Variants in XKR9 observed in about 807,000 individuals in gnomAD.
The protein encoded by XKR9 is XK related 9, also known as XK-related protein 9.
Under a neutral mutation model 32.0 loss-of-function variants are expected in XKR9, and 32 were observed. That is an observed-to-expected ratio of 1.00 (90% CI 0.76 to 1.34). The LOEUF (loss-of-function observed/expected upper bound fraction) is 1.34, where lower values mean the gene tolerates loss of function less well. Among genes scored for constraint, XKR9 ranks in the 40% most tolerant of loss-of-function variants. The pLI, the probability that XKR9 is intolerant of heterozygous loss-of-function variation, is 0.00. For synonymous variants in XKR9, 168 were observed against 143.4 expected, an observed-to-expected ratio of 1.17 and a Z score of -1.22; for missense variants, 546 against 429.7, an observed-to-expected ratio of 1.27 and a Z score of -2.39.
the XKR9 span, among the ~76,000 whole-genome samples, chr8:70,921,322 A>T: frequency 1.3e-3 from 194 of 152,292 alleles, 2 homozygotes; most frequent in South Asian, 0.01. Flanking sequence ...ACCCTCCATG[A>T]TGAAGGGAGA....
chr8:70,805,238 A>G, the XKR9 span, among the ~76,000 whole-genome samples: 1 of 152,216 alleles, frequency 6.6e-6, no homozygotes, highest in African/African-American at 2.4e-5. Context: ...CTACCTGGCC[A>G]GGTAAACCGT....
chr8:70,810,701 A>G, the XKR9 span, among the ~76,000 whole-genome samples: 4 of 152,234 alleles, frequency 2.6e-5, no homozygotes, highest in Non-Finnish European at 2.9e-5. Flanking sequence ...GAAGGCCATT[A>G]CATAATGGTA....
At chr8:70,755,057 A>C (rs1237713637) in intron 2 of XKR9, among the ~76,000 whole-genome samples, 1 of 152,214 alleles carries the variant, frequency 6.6e-6, no homozygotes, top group East Asian at 1.9e-4. Context: ...GAACTCAAAC[A>C]AATTTACAAG....
At chr8:70,809,229 A>T in the XKR9 span, among the ~76,000 whole-genome samples, 1 of 152,220 alleles carries the variant, frequency 6.6e-6, no homozygotes, top group Non-Finnish European at 1.5e-5. Context: ...CCTGCAGCTG[A>T]GGGTCCTGAC....
At chr8:70,951,100 T>A in the XKR9 span, among the ~76,000 whole-genome samples, 1 of 152,198 alleles carries the variant, frequency 6.6e-6, no homozygotes, top group Non-Finnish European at 1.5e-5. Flanking sequence ...ACACTTTTAC[T>A]TCAGGATGCC....
At chr8:70,808,356 G>A in the XKR9 span, among the ~76,000 whole-genome samples, 1 of 152,156 alleles carries the variant, frequency 6.6e-6, no homozygotes, top group East Asian at 1.9e-4. Flanking sequence ...CCAGTCTACA[G>A]CTCCCAGCAT....
chr8:70,690,614 G>A (rs1170710000), intron 3 of XKR9, among the ~76,000 whole-genome samples: 1 of 151,836 alleles, frequency 6.6e-6, no homozygotes, highest in Non-Finnish European at 1.5e-5. Flanking sequence ...CTCCCAAAGT[G>A]TTGGGATTAC....
chr8:71,043,167 C>G, the XKR9 span, among the ~76,000 whole-genome samples: 5 of 152,180 alleles, frequency 3.3e-5, no homozygotes, highest in African/African-American at 4.8e-5. Flanking sequence ...GGAGAATTCA[C>G]TGTTCCCCCA....
At chr8:70,888,201 T>G in the XKR9 span, among the ~76,000 whole-genome samples, 1 of 152,066 alleles carries the variant, frequency 6.6e-6, no homozygotes, top group Non-Finnish European at 1.5e-5. Flanking sequence ...CTTAGTGATG[T>G]TGAGCATTTT....
chr8:70,800,404 C>T, the XKR9 span, among the ~76,000 whole-genome samples: 1 of 151,932 alleles, frequency 6.6e-6, no homozygotes. Context: ...AGTTGCTTTA[C>T]CTCAGTTTTT....
At chr8:70,687,000 G>A (rs988905233) in intron 3 of XKR9, among the ~76,000 whole-genome samples, 3 of 152,134 alleles carry the variant, frequency 2.0e-5, no homozygotes, top group African/African-American at 7.2e-5. Flanking sequence ...AAAATACACA[G>A]TAAATTATCG....
At chr8:70,915,624 C>T in the XKR9 span, among the ~76,000 whole-genome samples, 17 of 152,154 alleles carry the variant, frequency 1.1e-4, no homozygotes, top group African/African-American at 3.6e-4. Context: ...TACACTCTAT[C>T]TAGAACTGAT....
chr8:70,799,029 C>G, the XKR9 span, among the ~76,000 whole-genome samples: 2 of 152,054 alleles, frequency 1.3e-5, no homozygotes, highest in Non-Finnish European at 2.9e-5. Flanking sequence ...CTTGGCTGTT[C>G]AAGCTTTTTT....
At chr8:70,962,666 A>G in the XKR9 span, among the ~76,000 whole-genome samples, 1 of 152,216 alleles carries the variant, frequency 6.6e-6, no homozygotes, top group African/African-American at 2.4e-5. Context: ...ATGAGAATAG[A>G]CTACAGTCTC....
At chr8:71,040,071 T>C in the XKR9 span, among the ~76,000 whole-genome samples, 1 of 152,222 alleles carries the variant, frequency 6.6e-6, no homozygotes, top group Non-Finnish European at 1.5e-5. Flanking sequence ...TGTAATTATA[T>C]ACAAAGAAAG....
chr8:70,955,952 G>A, the XKR9 span, among the ~76,000 whole-genome samples: 1 of 152,202 alleles, frequency 6.6e-6, no homozygotes, highest in Non-Finnish European at 1.5e-5. Flanking sequence ...AGGGGGACGT[G>A]GTGGCACCCA....
intron 2 of XKR9, among the ~76,000 whole-genome samples, chr8:70,754,446 C>T (rs1210811839): frequency 3.1e-5 from 4 of 128,628 alleles, no homozygotes; most frequent in East Asian, 2.2e-4. Context: ...TAAAAGAGCC[C>T]GCATCGCCAA....
At chr8:70,804,032 G>A in the XKR9 span, among the ~76,000 whole-genome samples, 6 of 152,238 alleles carry the variant, frequency 3.9e-5, no homozygotes, top group Non-Finnish European at 2.9e-5. Flanking sequence ...ATAGAAGCAG[G>A]TCTGCTCTAT....
chr8:71,003,495 C>T, the XKR9 span, among the ~76,000 whole-genome samples: 1 of 151,842 alleles, frequency 6.6e-6, no homozygotes, highest in Non-Finnish European at 1.5e-5. Flanking sequence ...TAACTTTCCA[C>T]AAATTCTCTA....
Sources: allele counts gnomAD v4.1 joint callset (sites outside exome capture counted in the v4.1 genomes callset), GRCh38; gene constraint gnomAD v4.1.1; transcripts MANE v1.5; gene names NCBI Gene and HGNC (gene_info 2026-07-23, HGNC 2026-07-21).